CCDC102B: variants seen among roughly 807,000 people sequenced by gnomAD.
The protein encoded by CCDC102B is coiled-coil domain containing 102B.
CCDC102B carries 75 observed loss-of-function variants against 57.4 expected under a neutral mutation model. The ratio of observed to expected loss-of-function variants is 1.31; its 90% CI spans 1.08 to 1.58. The LOEUF (loss-of-function observed/expected upper bound fraction) is 1.58, where lower values mean the gene tolerates loss of function less well. Ranked by LOEUF, CCDC102B falls within the 40% of genes most tolerant of loss-of-function variation. The probability of loss-of-function intolerance (pLI) is 0.00; values close to 1 mark genes in which losing one functional copy is unlikely to be tolerated. For missense variants in CCDC102B, 636 were observed against 582.6 expected (o/e 1.09, Z -0.94); for synonymous variants, 206 against 201.9 (o/e 1.02, Z -0.17).
chr18:68,801,268 A>C (rs2035841553), intron 1 of CCDC102B, among the ~76,000 whole-genome samples: 1 of 152,176 alleles, frequency 6.6e-6, no homozygotes, highest in Non-Finnish European at 1.5e-5. Flanking sequence ...CTCCATCCTC[A>C]GTGCCCTGAC....
In CCDC102B at chr18:68,906,766, G is replaced by T. The variant is rs565647902; in HGVS notation, c.1263+9338G>T. 4.0e-5 allele frequency among the ~76,000 whole-genome samples: 6 copies of T among 150,452 alleles called. No individual in the cohort carries two copies. The South Asian group carries it at 1.3e-3, about 32-fold the overall frequency. ...CATATGTATGAAATGCAAACATTTT[G>T]TCCCATTGTTTATGTCATATTTTCA... On this transcript the variant is annotated intron_variant, in intron 6 of 7. Transcript: ENST00000360242.
chr18:68,734,465 G>A (rs2033036312), intron 2 of CCDC102B, among the ~76,000 whole-genome samples: 1 of 152,128 alleles, frequency 6.6e-6, no homozygotes, highest in African/African-American at 2.4e-5. Context: ...CAACAACAAG[G>A]GATTATAGTC....
intron 1 of CCDC102B, among the ~76,000 whole-genome samples, chr18:68,716,233 T>G (rs938888548): frequency 6.6e-6 from 1 of 152,158 alleles, no homozygotes; most frequent in African/African-American, 2.4e-5. Context: ...GCCTCGATAC[T>G]CTTATACAGA....
chr18:69,029,182 GTTTA>G (rs747656904), intron 7 of CCDC102B, among the ~76,000 whole-genome samples: 1 of 152,006 alleles, frequency 6.6e-6, no homozygotes, highest in Non-Finnish European at 1.5e-5. Context: ...ACTTTTTTTA[GTTTA>G]TTTACCATTT....
intron 6 of CCDC102B, among the ~76,000 whole-genome samples, chr18:68,904,637 A>G (rs573829632): frequency 2.6e-5 from 4 of 152,278 alleles, no homozygotes; most frequent in East Asian, 3.9e-4. Context: ...CAAAAGTAGT[A>G]TGACATTTAC....
intron 2 of CCDC102B, among the ~76,000 whole-genome samples, chr18:68,772,662 A>T (rs897653836): frequency 6.6e-6 from 1 of 152,150 alleles, no homozygotes; most frequent in African/African-American, 2.4e-5. Flanking sequence ...AAATTATTTA[A>T]ATTGATAAAA....
intron 5 of CCDC102B, among the ~76,000 whole-genome samples, chr18:68,888,574 G>A (rs1458020830): frequency 6.6e-6 from 1 of 152,180 alleles, no homozygotes; most frequent in East Asian, 1.9e-4. Flanking sequence ...TACTTCTTCA[G>A]ATGTGACAAC....
intron 6 of CCDC102B, among the ~76,000 whole-genome samples, chr18:68,921,136 T>G (rs1222911018): frequency 1.3e-5 from 2 of 152,170 alleles, no homozygotes; most frequent in African/African-American, 4.8e-5. Context: ...CACAGAAACG[T>G]TTAAGGCCTC....
intron 2 of CCDC102B, among the ~76,000 whole-genome samples, chr18:68,746,346 G>A (rs1287421876): frequency 6.6e-6 from 1 of 152,162 alleles, no homozygotes; most frequent in Non-Finnish European, 1.5e-5. Flanking sequence ...AGTGTTTTCA[G>A]CTGGGAATCC....
At chr18:68,731,058 C>T (rs1722724889) in intron 2 of CCDC102B, among the ~76,000 whole-genome samples, 1 of 152,124 alleles carries the variant, frequency 6.6e-6, no homozygotes, top group Admixed American at 6.5e-5. Context: ...GCGATCTTGG[C>T]TCGCTCCAAC....
intron 6 of CCDC102B, among the ~76,000 whole-genome samples, chr18:68,949,040 A>G (rs2049620247): frequency 6.6e-6 from 1 of 152,116 alleles, no homozygotes. Context: ...AGCATCCAGC[A>G]GGGGACAAAG....
intron 6 of CCDC102B, among the ~76,000 whole-genome samples, chr18:68,913,861 C>T (rs542681544): frequency 5.9e-5 from 9 of 152,096 alleles, no homozygotes; most frequent in Non-Finnish European, 1.2e-4. Context: ...AATTTACATA[C>T]AGAGACAGTG....
intron 3 of CCDC102B, among the ~76,000 whole-genome samples, chr18:68,842,824 T>C (rs1212354023): frequency 6.6e-6 from 1 of 152,154 alleles, no homozygotes; most frequent in Non-Finnish European, 1.5e-5. Context: ...CCCAGAAATA[T>C]TTTGAGCTAT....
At chr18:68,884,534 C>A (rs994382067) in intron 5 of CCDC102B, among the ~76,000 whole-genome samples, 1 of 151,282 alleles carries the variant, frequency 6.6e-6, no homozygotes, top group Admixed American at 6.6e-5. Context: ...ACGAAATGGG[C>A]AGATGTAGGT....
At chr18:68,923,870 C>T (rs1440804302) in intron 6 of CCDC102B, among the ~76,000 whole-genome samples, 1 of 151,932 alleles carries the variant, frequency 6.6e-6, no homozygotes, top group Non-Finnish European at 1.5e-5. Context: ...TATATGGATC[C>T]TATGGGAAAT....
chr18:68,952,800 G>A (rs2049735228), intron 6 of CCDC102B, among the ~76,000 whole-genome samples: 1 of 152,086 alleles, frequency 6.6e-6, no homozygotes, highest in African/African-American at 2.4e-5. Flanking sequence ...ACACATTGTT[G>A]GGATGCTAAA....
Position 68,777,745 on chromosome 18 carries a change from A to G in CCDC102B, c.-66-45621A>G, listed in dbSNP as rs543991782. On this transcript the variant is annotated intron_variant, in intron 2 of 3. Coordinates refer to the CCDC102B transcript ENST00000578970. The stretch of plus-strand genomic sequence containing the variant: ...TTAAGCAGATTAAAGAGTAACTCGA[A>G]GAGAGTCTTGCCTGGAAGTAAATAA... 2.1e-4 allele frequency among the ~76,000 whole-genome samples: 32 copies of G among 151,876 alleles called. No individual in the cohort carries two copies. The South Asian group carries it at 6.5e-3, about 31-fold the overall frequency.
chr18:68,760,707 G>A (rs185350059), intron 2 of CCDC102B, among the ~76,000 whole-genome samples: 13 of 152,160 alleles, frequency 8.5e-5, no homozygotes, highest in South Asian at 2.1e-4. Context: ...TTTTAGTATC[G>A]TAACAGGGTA....
chr18:69,032,857 TCGTGAAGCTGGC>T (rs2145448241), intron 7 of CCDC102B, among the ~76,000 whole-genome samples: 1 of 152,218 alleles, frequency 6.6e-6, no homozygotes, highest in East Asian at 1.9e-4. Context: ...CTCTCACTGG[TCGTGAAGCTGGC>T]TTAATTTATT....
Sources: gnomAD v4.1 joint callset for allele counts (sites outside exome capture counted in the v4.1 genomes callset) on GRCh38, gnomAD v4.1.1 for gene constraint, MANE v1.5 for transcripts, NCBI Gene and HGNC (gene_info 2026-07-23, HGNC 2026-07-21) for gene names.